The following FBXO4 variants were observed in gnomAD, a reference collection of about 807,000 sequenced individuals.
FBXO4 encodes F-box protein 4.
A neutral mutation model predicts 43.7 loss-of-function variants in FBXO4; 36 were observed. The ratio of observed to expected loss-of-function variants is 0.82; its 90% confidence interval spans 0.63 to 1.09. The LOEUF is 1.09. FBXO4 is among the 50% of genes least tolerant of loss of function. FBXO4 has a pLI of 0.00. For missense variants in FBXO4, 435 were observed against 474.1 expected (o/e 0.92, Z 0.77); for synonymous variants, 180 against 165.6 (o/e 1.09, Z -0.67).
chr5:41,991,919 A>C, the FBXO4 span, among the ~76,000 whole-genome samples: 1 of 152,154 alleles, frequency 6.6e-6, no homozygotes. Context: ...TCTCTACTAA[A>C]AATACAAAAT....
At chr5:41,997,150 T>G in the FBXO4 span, among the ~76,000 whole-genome samples, 1 of 152,192 alleles carries the variant, frequency 6.6e-6, no homozygotes, top group African/African-American at 2.4e-5. Context: ...TTTGCCAAGT[T>G]AATGGCTGCA....
the FBXO4 span, among the ~76,000 whole-genome samples, chr5:41,995,311 T>C: frequency 6.6e-6 from 1 of 152,168 alleles, no homozygotes; most frequent in Admixed American, 6.5e-5. Context: ...GAGTAAGTGT[T>C]CATTCCAATG....
At chr5:42,004,910 A>G in the FBXO4 span, among the ~76,000 whole-genome samples, 8 of 152,134 alleles carry the variant, frequency 5.3e-5, no homozygotes, top group Non-Finnish European at 1.2e-4. Flanking sequence ...CATCCTCTTC[A>G]TCTTATAGAT....
the FBXO4 span, among the ~76,000 whole-genome samples, chr5:42,026,630 T>C: frequency 6.6e-6 from 1 of 151,916 alleles, no homozygotes; most frequent in Non-Finnish European, 1.5e-5. Context: ...AGCCTTCTTG[T>C]TGTGCTCTGG....
At position 41,934,122 on chromosome 5, in the gene FBXO4, T is replaced by A. The variant is rs765832234; in HGVS notation, c.723-11T>A. On this transcript the variant is annotated splice_polypyrimidine_tract_variant and intron_variant, in intron 4 of 6. Transcript: ENST00000281623. ...TCTTTTTATATTCTGTCTTTACAAT[T>A]TTTTTTCTAGAAAGGAAAGAGATAG... 1.2e-6 allele frequency: 2 copies of A among 1,613,568 alleles called. No homozygotes were observed. The highest frequency in any genetic ancestry group is 2.7e-5 in the African/African-American group (2 of 74,848).
At chr5:41,962,338 G>A in the FBXO4 span, among the ~76,000 whole-genome samples, 1 of 152,120 alleles carries the variant, frequency 6.6e-6, no homozygotes, top group Non-Finnish European at 1.5e-5. Flanking sequence ...GCATCTCAGA[G>A]GGATTCTTAT....
the FBXO4 span, among the ~76,000 whole-genome samples, chr5:42,007,111 G>C: frequency 6.6e-6 from 1 of 150,906 alleles, no homozygotes; most frequent in Admixed American, 6.6e-5. Flanking sequence ...ATCTTATTTG[G>C]AAATTTACTT....
the FBXO4 span, among the ~76,000 whole-genome samples, chr5:42,000,026 AAG>A: frequency 6.6e-6 from 1 of 152,088 alleles, no homozygotes; most frequent in African/African-American, 2.4e-5. Flanking sequence ...CTCTGCTTTT[AAG>A]AATTTGACTA....
chr5:41,951,321 C>A, the FBXO4 span: 1 of 206,472 alleles, frequency 4.8e-6, no homozygotes, highest in Non-Finnish European at 9.6e-6. Flanking sequence ...CACTATTCAG[C>A]GGTTCTTCCT....
the FBXO4 span, among the ~76,000 whole-genome samples, chr5:41,999,282 A>C: frequency 6.6e-6 from 1 of 150,530 alleles, no homozygotes; most frequent in Non-Finnish European, 1.5e-5. Context: ...CAGAAACCCC[A>C]AAACCAAGGA....
chr5:41,958,915 G>A, the FBXO4 span, among the ~76,000 whole-genome samples: 19 of 152,202 alleles, frequency 1.2e-4, 1 homozygote, highest in Non-Finnish European at 2.9e-5. Context: ...TACAGATCCA[G>A]TAGCAGGATT....
chr5:42,038,952 A>G, the FBXO4 span, among the ~76,000 whole-genome samples: 1 of 152,090 alleles, frequency 6.6e-6, no homozygotes, highest in Non-Finnish European at 1.5e-5. Flanking sequence ...TACTTCAGCT[A>G]TACATCTTCC....
At chr5:41,937,440 G>A (rs901317527) in intron 5 of FBXO4, among the ~76,000 whole-genome samples, 2 of 152,118 alleles carry the variant, frequency 1.3e-5, no homozygotes, top group African/African-American at 4.8e-5. Flanking sequence ...TAAAGGCAAT[G>A]TTAAGACTTT....
intron 5 of FBXO4, chr5:41,934,976 T>G (rs1751812080): frequency 1.0e-6 from 1 of 983,638 alleles, no homozygotes; most frequent in Non-Finnish European, 1.2e-6. Context: ...ATACACTGGT[T>G]TGAATTTCTA....
the FBXO4 span, among the ~76,000 whole-genome samples, chr5:41,994,899 G>A: frequency 6.6e-6 from 1 of 152,064 alleles, no homozygotes; most frequent in African/African-American, 2.4e-5. Context: ...GGTGAGTGTT[G>A]TCACTTCCAC....
chr5:41,975,545 T>C, the FBXO4 span, among the ~76,000 whole-genome samples: 1 of 152,196 alleles, frequency 6.6e-6, no homozygotes, highest in Admixed American at 6.5e-5. Context: ...ATTACTAATC[T>C]TATCTTACAG....
At chr5:41,983,105 C>T in the FBXO4 span, among the ~76,000 whole-genome samples, 2 of 152,056 alleles carry the variant, frequency 1.3e-5, no homozygotes, top group Non-Finnish European at 2.9e-5. Flanking sequence ...AATTTTCTTT[C>T]TCCAGTCTAT....
At chr5:41,995,526 C>A in the FBXO4 span, among the ~76,000 whole-genome samples, 5 of 152,152 alleles carry the variant, frequency 3.3e-5, no homozygotes, top group Non-Finnish European at 7.3e-5. Context: ...CCATGCGCAA[C>A]CTCTATCCCT....
At chr5:41,927,713 G>A (rs1339627930) in intron 2 of FBXO4, among the ~76,000 whole-genome samples, 1 of 152,242 alleles carries the variant, frequency 6.6e-6, no homozygotes, top group East Asian at 1.9e-4. Context: ...ATGTTACTGA[G>A]CAACTGCAGT....
Sources: allele counts gnomAD v4.1 joint callset (sites outside exome capture counted in the v4.1 genomes callset), GRCh38; gene constraint gnomAD v4.1.1; transcripts MANE v1.5; gene names NCBI Gene and HGNC (gene_info 2026-07-23, HGNC 2026-07-21).